The following LYRM4 variants were observed in gnomAD, a reference collection of about 807,000 sequenced individuals.
LYRM4 encodes LYR motif containing 4.
LYRM4 carries 9 observed loss-of-function variants against 11.7 expected under a neutral mutation model. The observed-to-expected ratio is 0.77, with a 90% CI of 0.46 to 1.34. LYRM4 has a LOEUF of 1.34. Among genes scored for constraint, LYRM4 ranks in the 40% most tolerant of loss-of-function variants. The pLI is 0.00. For missense variants in LYRM4, 133 were observed against 112.5 expected, an observed-to-expected ratio of 1.18 and a Z score of -0.82; for synonymous variants, 42 against 40.4, an observed-to-expected ratio of 1.04 and a Z score of -0.15.
the LYRM4 span, chr6:5,086,088 C>T: frequency 1.2e-5 from 18 of 1,467,890 alleles, no homozygotes; most frequent in South Asian, 2.4e-4. Context: ...GGCCGCTCTT[C>T]CAGCTCCCGG....
chr6:5,260,518 C>T (rs114666246), intron 1 of LYRM4, 130 bp downstream of exon 1: 3 of 1,260,790 alleles, frequency 2.4e-6, no homozygotes, highest in African/African-American at 1.5e-5. Flanking sequence ...TGGCGGAGCC[C>T]GGTCCTTGCC....
rs189949264 is a variant in LYRM4 at position 5,181,861 on chromosome 6, G to C, written c.207+34757C>G. On this transcript the variant is annotated intron_variant, in intron 2 of 2. Transcript: ENST00000330636. ...CTGCCCAGATGGCCTCTGAGCTCTA[G>C]GTCTGCATTTTCACCTGCCTGCTCA... Among the ~76,000 whole-genome samples, 474 of 152,242 alleles carry C rather than the reference G, an allele frequency of 3.1e-3. 3 individuals carry two copies. Among genetic ancestry groups the C allele is most frequent in the Non-Finnish European group, 4.7e-3 (317 of 68,016 alleles).
At chr6:5,242,318 C>T (rs547480941) in intron 1 of LYRM4, among the ~76,000 whole-genome samples, 11 of 151,908 alleles carry the variant, frequency 7.2e-5, no homozygotes, top group Admixed American at 5.2e-4. Context: ...GTGATCTGCC[C>T]GCCTCGGCCT....
intron 2 of LYRM4, among the ~76,000 whole-genome samples, chr6:5,140,335 G>A (rs1436176353): frequency 6.6e-6 from 1 of 151,862 alleles, no homozygotes; most frequent in Non-Finnish European, 1.5e-5. Context: ...AGTTAAACTT[G>A]GTTAAATTTA....
At chr6:5,109,614 G>A (rs1409141174) in intron 2 of LYRM4, 123 bp from the exon 3 acceptor site, 8 of 951,400 alleles carry the variant, frequency 8.4e-6, no homozygotes, top group Admixed American at 6.0e-5. Context: ...GCTCCCTTCC[G>A]GCAACTGCAC....
At chr6:5,100,818 T>G (rs1762475789), downstream of LYRM4, among the ~76,000 whole-genome samples, 1 of 152,214 alleles carries the variant, frequency 6.6e-6, no homozygotes, top group Non-Finnish European at 1.5e-5. Context: ...TGCCAGTCTT[T>G]CAGGATCAAA....
At chr6:5,213,714 G>C (rs1356803616) in intron 2 of LYRM4, among the ~76,000 whole-genome samples, 1 of 152,110 alleles carries the variant, frequency 6.6e-6, no homozygotes, top group Non-Finnish European at 1.5e-5. Flanking sequence ...CCTGATTTTG[G>C]TGGTATAGAC....
At chr6:5,159,177 T>C (rs1758601001) in intron 2 of LYRM4, among the ~76,000 whole-genome samples, 1 of 152,176 alleles carries the variant, frequency 6.6e-6, no homozygotes, top group African/African-American at 2.4e-5. Flanking sequence ...ACTAGGCAGG[T>C]AGGATGGTCC....
At chr6:5,150,103 T>C (rs1406454188) in intron 2 of LYRM4, among the ~76,000 whole-genome samples, 1 of 152,116 alleles carries the variant, frequency 6.6e-6, no homozygotes, top group East Asian at 1.9e-4. Flanking sequence ...TAAAGCAGGG[T>C]ATTAAGAGGC....
chr6:5,229,787 T>A (rs1190376596), intron 1 of LYRM4, among the ~76,000 whole-genome samples: 1 of 152,218 alleles, frequency 6.6e-6, no homozygotes, highest in Non-Finnish European at 1.5e-5. Context: ...AAAGTAACAC[T>A]GTCTTAAAAA....
chr6:5,205,280 A>C (rs1301570732), intron 2 of LYRM4, among the ~76,000 whole-genome samples: 1 of 152,088 alleles, frequency 6.6e-6, no homozygotes, highest in East Asian at 1.9e-4. Flanking sequence ...GAATGCAGAC[A>C]CAAGTGCACT....
At chr6:5,066,991 C>T in the LYRM4 span, 2 of 862,202 alleles carry the variant, frequency 2.3e-6, no homozygotes, top group African/African-American at 1.7e-5. Context: ...ATGTCTTTGT[C>T]TCTCAGGCCC....
At chr6:5,037,019 T>A in the LYRM4 span, among the ~76,000 whole-genome samples, 5 of 11,546 alleles carry the variant, frequency 4.3e-4, no homozygotes, top group Admixed American at 3.4e-3. Flanking sequence ...ATTTTTTTTT[T>A]TTTTTTTTTA....
intron 2 of LYRM4, among the ~76,000 whole-genome samples, chr6:5,183,100 T>C (rs1760172125): frequency 6.6e-6 from 1 of 152,224 alleles, no homozygotes; most frequent in South Asian, 2.1e-4. Context: ...TTAGGCTCCA[T>C]GTGCTACCAA....
the LYRM4 span, among the ~76,000 whole-genome samples, chr6:5,091,916 A>G: frequency 6.6e-6 from 1 of 151,936 alleles, no homozygotes; most frequent in Non-Finnish European, 1.5e-5. Context: ...GATTGTAGTT[A>G]CTCCTCCCAT....
chr6:5,133,541 T>C (rs932880250), intron 2 of LYRM4, among the ~76,000 whole-genome samples: 1 of 152,216 alleles, frequency 6.6e-6, no homozygotes, highest in Admixed American at 6.5e-5. Context: ...GATGCTCGGG[T>C]CACACTTAAG....
chr6:5,123,420 A>G (rs1250745375), intron 2 of LYRM4, among the ~76,000 whole-genome samples: 1 of 152,180 alleles, frequency 6.6e-6, no homozygotes, highest in Non-Finnish European at 1.5e-5. Flanking sequence ...CCCCGAAGAC[A>G]CTGCTCCTAA....
At chr6:5,233,006 T>TA (rs1305386136) in intron 1 of LYRM4, among the ~76,000 whole-genome samples, 2 of 152,244 alleles carry the variant, frequency 1.3e-5, no homozygotes, top group African/African-American at 4.8e-5. Flanking sequence ...CACAATAGTG[T>TA]GATACTCTGT....
intron 2 of LYRM4, among the ~76,000 whole-genome samples, chr6:5,177,099 CG>C (rs1315019391): frequency 6.6e-6 from 1 of 152,144 alleles, no homozygotes; most frequent in African/African-American, 2.4e-5. Flanking sequence ...TGGAAAAGTG[CG>C]AATACAGTTG....
Sources: allele counts gnomAD v4.1 joint callset (sites outside exome capture counted in the v4.1 genomes callset), GRCh38; gene constraint gnomAD v4.1.1; transcripts MANE v1.5; gene names NCBI Gene and HGNC (gene_info 2026-07-23, HGNC 2026-07-21).